APP: variants seen among roughly 807,000 people sequenced by gnomAD.
APP encodes the protein amyloid beta precursor protein.
A neutral mutation model predicts 101.4 loss-of-function variants in APP; 31 were observed. That is an observed-to-expected ratio of 0.31 (90% CI 0.23 to 0.41). APP has a LOEUF of 0.41. Ranked by LOEUF, APP falls within the 10% of genes least tolerant of loss-of-function variation. The pLI, the probability that APP is intolerant of heterozygous loss-of-function variation, is 1.00. For missense variants in APP, 839 were observed against 1,003.7 expected (o/e 0.84, Z 2.22); for synonymous variants, 366 against 364.4 (o/e 1.00, Z -0.05).
chr21:26,120,404 CT>C, intron 1 of APP, among the ~76,000 whole-genome samples: 1 of 152,236 alleles, frequency 6.6e-6, no homozygotes, highest in East Asian at 1.9e-4. Flanking sequence ...TTCCTCCTGC[CT>C]TGGTCTCCTA....
chr21:25,911,665 T>C (rs935632634), intron 14 of APP, 76 bp downstream of exon 14: 4 of 1,317,716 alleles, frequency 3.0e-6, no homozygotes, highest in African/African-American at 1.5e-5. Context: ...AAAAGATAAC[T>C]CTCTCTCTTG....
At chr21:26,150,590 T>C (rs12483003) in intron 1 of APP, among the ~76,000 whole-genome samples, 80,210 of 151,310 alleles carry the variant, frequency 0.53, 21,951 homozygotes, top group African/African-American at 0.67. Context: ...AGTATACTGA[T>C]TGACATCTAG....
intron 5 of APP, among the ~76,000 whole-genome samples, chr21:26,022,459 A>G (rs1270893709): frequency 6.6e-6 from 1 of 152,216 alleles, no homozygotes; most frequent in East Asian, 1.9e-4. Context: ...CCAAGAGACT[A>G]TACTACACAA....
At position 26,093,424 on chromosome 21, in the gene APP, C is replaced by G. The variant is rs566354474; in HGVS notation, c.226-3352G>C. Among the ~76,000 whole-genome samples the G allele has an allele frequency of 2.6e-5, 4 of 152,306 alleles. No homozygotes were observed. The South Asian group carries it at 8.3e-4, about 32-fold the overall frequency. On this transcript the variant is annotated intron_variant, in intron 2 of 17. Coordinates refer to ENST00000346798, the MANE Select transcript of APP (RefSeq NM_000484.4). ...GGTTTTCTATAAACCCAGTGGCAGG[C>G]ATATTCACATCATGGTTCCCTCTAT... is the stretch of plus-strand genomic sequence containing the variant.
chr21:25,978,000 C>T, intron 9 of APP, among the ~76,000 whole-genome samples: 1 of 152,172 alleles, frequency 6.6e-6, no homozygotes, highest in East Asian at 1.9e-4. Context: ...GATAGAAGTT[C>T]AATGTTCTAC....
At chr21:26,043,638 T>G (rs1017349076) in intron 5 of APP, among the ~76,000 whole-genome samples, 1 of 152,260 alleles carries the variant, frequency 6.6e-6, no homozygotes, top group Non-Finnish European at 1.5e-5. Context: ...GTGATTCAAC[T>G]CAAATACTTG....
At chr21:26,100,314 C>A (rs2062028547) in intron 2 of APP, among the ~76,000 whole-genome samples, 1 of 152,176 alleles carries the variant, frequency 6.6e-6, no homozygotes, top group African/African-American at 2.4e-5. Context: ...ACAGCCTGAT[C>A]CCTCCATTCA....
At chr21:26,102,939 T>C (rs2062096439) in intron 2 of APP, among the ~76,000 whole-genome samples, 4 of 151,034 alleles carry the variant, frequency 2.6e-5, no homozygotes, top group African/African-American at 4.9e-5. Context: ...CGTAGTTGTA[T>C]TCGAGTTGTT....
intron 1 of APP, among the ~76,000 whole-genome samples, chr21:26,129,290 G>A (rs1321603213): frequency 6.6e-6 from 1 of 152,024 alleles, no homozygotes; most frequent in African/African-American, 2.4e-5. Flanking sequence ...GGCCAAGATG[G>A]TGAAACCCCG....
intron 8 of APP, among the ~76,000 whole-genome samples, chr21:25,992,077 C>T (rs2042887679): frequency 6.6e-6 from 1 of 152,118 alleles, no homozygotes; most frequent in Non-Finnish European, 1.5e-5. Context: ...GTTTCATGAA[C>T]AAAATTATCA....
At chr21:25,900,270 C>T (rs1031629548) in intron 15 of APP, among the ~76,000 whole-genome samples, 3 of 150,576 alleles carry the variant, frequency 2.0e-5, no homozygotes, top group South Asian at 2.1e-4. Flanking sequence ...CGGTGGCTCA[C>T]GCCTGTAATC....
intron 15 of APP, among the ~76,000 whole-genome samples, chr21:25,903,299 G>C (rs1027934989): frequency 1.3e-5 from 2 of 149,852 alleles, no homozygotes; most frequent in African/African-American, 5.0e-5. Context: ...AACCCCCGAG[G>C]CAGAGGTTGC....
At chr21:26,165,169 G>T (rs1442188775) in intron 1 of APP, among the ~76,000 whole-genome samples, 1 of 152,176 alleles carries the variant, frequency 6.6e-6, no homozygotes, top group Non-Finnish European at 1.5e-5. Context: ...TGGCCAATAA[G>T]TAATTTGTCA....
At chr21:25,925,722 G>A (rs2039864853) in intron 13 of APP, among the ~76,000 whole-genome samples, 1 of 151,486 alleles carries the variant, frequency 6.6e-6, no homozygotes, top group Non-Finnish European at 1.5e-5. Flanking sequence ...TTCACTTGAG[G>A]TCAGGAGTTC....
At position 25,905,093 on chromosome 21, in the gene APP, A is replaced by G; in HGVS notation, c.1910-16T>C. The G allele has an allele frequency of 6.2e-7, 1 of 1,612,420 alleles. No individual in the cohort carries two copies. Reference sequence around the variant, plus strand: ...ACAGGCTCAACTGGGCACAGGAAGCAAGGGACACAGAAAGCAAACAAGACA... The same window carrying G: ...ACAGGCTCAACTGGGCACAGGAAGCGAGGGACACAGAAAGCAAACAAGACA... On this transcript the variant is annotated splice_polypyrimidine_tract_variant and intron_variant, in intron 14 of 17. Transcript: ENST00000346798.
intron 5 of APP, among the ~76,000 whole-genome samples, chr21:26,025,155 C>A (rs937504169): frequency 2.0e-5 from 3 of 152,118 alleles, no homozygotes; most frequent in Non-Finnish European, 2.9e-5. Context: ...AAGTTTACTA[C>A]GTGGGGCTAC....
rs1001432985 is a variant in APP at position 25,902,337 on chromosome 21, G to T, written c.1963+2687C>A. On this transcript the variant is annotated intron_variant, in intron 15 of 17. Coordinates refer to ENST00000346798, the MANE Select transcript of APP (RefSeq NM_000484.4). ...GACTCAAGTGGGTGGTCTCTAAAAT[G>T]TGAAGAAGAACCAAAGCTATGCTAC... Among the ~76,000 whole-genome samples the T allele has an allele frequency of 7.9e-5, 12 of 152,194 alleles. 1 individual carries two copies. The highest frequency in any genetic ancestry group is 6.5e-4 in the Admixed American group (10 of 15,286).
At chr21:25,952,191 T>TACACACACACACACACACACAC (rs57270357) in intron 13 of APP, among the ~76,000 whole-genome samples, 8 of 139,994 alleles carry the variant, frequency 5.7e-5, no homozygotes, top group Non-Finnish European at 7.8e-5. Context: ...ATTACATACA[T>TACACACACACACACACACACAC]ACACACACAC....
At chr21:26,148,795 T>A (rs1016674953) in intron 1 of APP, among the ~76,000 whole-genome samples, 3 of 152,270 alleles carry the variant, frequency 2.0e-5, no homozygotes, top group Non-Finnish European at 2.9e-5. Flanking sequence ...CCATGTTCTG[T>A]GCTTTGCACT....
Sources: allele counts gnomAD v4.1 joint callset (sites outside exome capture counted in the v4.1 genomes callset), GRCh38; gene constraint gnomAD v4.1.1; transcripts MANE v1.5; gene names NCBI Gene and HGNC (gene_info 2026-07-23, HGNC 2026-07-21).